Variants in ZNF827 observed in about 807,000 individuals in gnomAD.
ZNF827 encodes zinc finger protein 827.
ZNF827 carries 13 observed loss-of-function variants against 102.4 expected under a neutral mutation model. The ratio of observed to expected loss-of-function variants is 0.13; its 90% CI spans 0.08 to 0.20. The LOEUF (loss-of-function observed/expected upper bound fraction) is 0.20. ZNF827 is among the 10% of genes least tolerant of loss of function. ZNF827 has a pLI of 1.00. For missense variants in ZNF827, 1,103 were observed against 1,344.4 expected (o/e 0.82, Z 2.81); for synonymous variants, 523 against 536.2 (o/e 0.98, Z 0.34).
chr4:145,906,692 C>T (rs777009492), intron 1 of ZNF827, among the ~76,000 whole-genome samples: 5 of 152,216 alleles, frequency 3.3e-5, no homozygotes, highest in South Asian at 2.1e-4. Context: ...CTAATGTCTA[C>T]ATTTAAAGCA....
intron 11 of ZNF827, among the ~76,000 whole-genome samples, chr4:145,772,012 A>ATGTATG (rs1736364414): frequency 6.6e-6 from 1 of 152,190 alleles, no homozygotes; most frequent in African/African-American, 2.4e-5. Flanking sequence ...AATACTACTT[A>ATGTATG]TGGTACCATA....
At chr4:145,851,616 A>G (rs1746543950) in intron 5 of ZNF827, among the ~76,000 whole-genome samples, 1 of 152,150 alleles carries the variant, frequency 6.6e-6, no homozygotes, top group African/African-American at 2.4e-5. Context: ...TTCCTGACAT[A>G]TTACACATGC....
chr4:145,835,091 G>A (rs1744664937), intron 7 of ZNF827: 2 of 152,212 alleles, frequency 1.3e-5, no homozygotes, highest in Non-Finnish European at 2.9e-5. Context: ...CGTCCCATCT[G>A]TGTGGGACCC....
intron 1 of ZNF827, among the ~76,000 whole-genome samples, chr4:145,929,267 C>G (rs1753641138): frequency 6.6e-6 from 1 of 152,188 alleles, no homozygotes; most frequent in African/African-American, 2.4e-5. Context: ...TGTAAATAAA[C>G]TATTACCTAT....
chr4:145,925,076 G>T (rs1036372485), intron 1 of ZNF827, among the ~76,000 whole-genome samples: 1 of 152,134 alleles, frequency 6.6e-6, no homozygotes, highest in African/African-American at 2.4e-5. Flanking sequence ...CATGGCAGCA[G>T]GCAAGAGAGT....
chr4:145,866,656 C>T (rs1748231957), intron 5 of ZNF827, among the ~76,000 whole-genome samples: 1 of 152,206 alleles, frequency 6.6e-6, no homozygotes, highest in Non-Finnish European at 1.5e-5. Flanking sequence ...TGCATAGCTC[C>T]AGCTTTCCAG....
At chr4:145,849,202 A>C (rs1274170803) in intron 6 of ZNF827, 120 bp downstream of exon 6, 1 of 1,333,210 alleles carries the variant, frequency 7.5e-7, no homozygotes, top group Non-Finnish European at 1.0e-6. Context: ...TAAAGCAACA[A>C]AATTGATTTC....
At chr4:145,867,136 G>A (rs1490545530) in intron 5 of ZNF827, among the ~76,000 whole-genome samples, 1 of 152,184 alleles carries the variant, frequency 6.6e-6, no homozygotes, top group Non-Finnish European at 1.5e-5. Context: ...ACAAGTAGTC[G>A]CAGACTTCCA....
intron 8 of ZNF827, among the ~76,000 whole-genome samples, chr4:145,804,330 G>T (rs1741198392): frequency 6.6e-6 from 1 of 152,118 alleles, no homozygotes; most frequent in Non-Finnish European, 1.5e-5. Flanking sequence ...GCAAGGAGTG[G>T]ACTGCCTATT....
intron 11 of ZNF827, among the ~76,000 whole-genome samples, chr4:145,769,565 A>G (rs1371173841): frequency 6.6e-6 from 1 of 152,176 alleles, no homozygotes; most frequent in Admixed American, 6.5e-5. Context: ...TGTGCCAGCC[A>G]CTCTGTGATG....
intron 1 of ZNF827, among the ~76,000 whole-genome samples, chr4:145,909,624 C>T (rs1264860890): frequency 6.6e-6 from 1 of 152,196 alleles, no homozygotes; most frequent in East Asian, 1.9e-4. Flanking sequence ...ATGTGGGTCA[C>T]AGAAGAAAGG....
chr4:145,765,722 G>T lies in ZNF827; in HGVS notation c.2877C>A (p.Thr959=), dbSNP rs1483716851. The T allele has an allele frequency of 6.2e-7, 1 of 1,613,618 alleles. No individual in the cohort carries two copies. The highest frequency in any genetic ancestry group is 1.7e-5 in the Admixed American group (1 of 59,954). The change falls in exon 12 of 15, where the codon ACC becomes ACA. Residue 959 remains threonine, a synonymous_variant. Transcript: ENST00000508784. The surrounding 1 kb of genome is among the most constrained non-coding windows in gnomAD (Gnocchi z 4.7). ...AAGAGGGGCTATTTGATTCGCTGGGGGTCTTCCTGTCTTCCCCTGAAAAAT... is the reference window on the plus strand; with the variant it reads ...AAGAGGGGCTATTTGATTCGCTGGGTGTCTTCCTGTCTTCCCCTGAAAAAT... ...GTKHTGEDRK[T]PSESNSPSSS...
At chr4:145,882,752 G>A (rs1749779480) in intron 4 of ZNF827, among the ~76,000 whole-genome samples, 1 of 152,086 alleles carries the variant, frequency 6.6e-6, no homozygotes, top group Admixed American at 6.5e-5. Context: ...GATCTGGCTG[G>A]CACAAAGATT....
intron 5 of ZNF827, among the ~76,000 whole-genome samples, chr4:145,863,587 T>C (rs557348057): frequency 6.6e-6 from 1 of 152,326 alleles, no homozygotes; most frequent in South Asian, 2.1e-4. Context: ...TGTTACAACA[T>C]AGAAAAACCT....
intron 8 of ZNF827, among the ~76,000 whole-genome samples, chr4:145,813,123 T>G (rs1422852841): frequency 6.6e-6 from 1 of 152,094 alleles, no homozygotes; most frequent in African/African-American, 2.4e-5. Flanking sequence ...CTATCAACAT[T>G]ATCATGGCTC....
chr4:145,937,623 G>C (rs1199774737), intron 1 of ZNF827, among the ~76,000 whole-genome samples: 1 of 144,798 alleles, frequency 6.9e-6, no homozygotes, highest in Non-Finnish European at 1.5e-5. Flanking sequence ...CCGGCGGCGC[G>C]TGTGTACCCG....
intron 7 of ZNF827, among the ~76,000 whole-genome samples, chr4:145,841,523 C>A (rs1056100396): frequency 6.6e-6 from 1 of 152,030 alleles, no homozygotes; most frequent in Non-Finnish European, 1.5e-5. Flanking sequence ...TGGGTCTGGC[C>A]GGGACTCTCT....
At chr4:145,849,222 A>C (rs1746280984) in intron 6 of ZNF827, 100 bp downstream of exon 6, 1 of 1,438,734 alleles carries the variant, frequency 7.0e-7, no homozygotes, top group Non-Finnish European at 9.3e-7. Context: ...CTGTCTAAAA[A>C]ATCCTATAAT....
intron 7 of ZNF827, among the ~76,000 whole-genome samples, chr4:145,845,273 C>T (rs76519133): frequency 0.033 from 4,953 of 152,242 alleles, 193 homozygotes; most frequent in African/African-American, 0.099. Flanking sequence ...GGAAGCAGCT[C>T]CATGGGAGCA....
Sources: gnomAD v4.1 joint callset for allele counts (sites outside exome capture counted in the v4.1 genomes callset) on GRCh38, gnomAD v4.1.1 for gene constraint, Gnocchi (gnomAD v3.1) non-coding constraint, MANE v1.5 for transcripts, NCBI Gene and HGNC (gene_info 2026-07-23, HGNC 2026-07-21) for gene names.